Variants in RORB observed in about 807,000 individuals in gnomAD.
The protein encoded by RORB is RAR related orphan receptor B.
A neutral mutation model predicts 59.1 loss-of-function variants in RORB; 6 were observed. That is an observed-to-expected ratio of 0.10 (90% CI 0.06 to 0.20). The LOEUF is 0.20. RORB is among the 10% of genes least tolerant of loss of function. The pLI, the probability that RORB is intolerant of heterozygous loss-of-function variation, is 1.00. For missense variants in RORB, 320 were observed against 560.5 expected, an observed-to-expected ratio of 0.57 and a Z score of 4.33; for synonymous variants, 215 against 204.5, an observed-to-expected ratio of 1.05 and a Z score of -0.44.
chr9:74,634,368 T>G (rs3829075), intron 2 of RORB, among the ~76,000 whole-genome samples: 15 of 152,204 alleles, frequency 9.9e-5, no homozygotes, highest in East Asian at 1.9e-4. Context: ...ACAGCACAGC[T>G]GCAAATGTCT....
chr9:74,559,680 C>T (rs1485172494), intron 1 of RORB, among the ~76,000 whole-genome samples: 2 of 152,118 alleles, frequency 1.3e-5, no homozygotes, highest in African/African-American at 4.8e-5. Context: ...TCAGGCTAGA[C>T]AGGATAATAA....
chr9:74,644,620 C>T (rs753570636), intron 4 of RORB, among the ~76,000 whole-genome samples: 1 of 152,088 alleles, frequency 6.6e-6, no homozygotes, highest in Non-Finnish European at 1.5e-5. Context: ...CTAATAGGGA[C>T]GGTCATTTAA....
intron 1 of RORB, among the ~76,000 whole-genome samples, chr9:74,507,473 T>C (rs747889006): frequency 6.6e-6 from 1 of 152,038 alleles, no homozygotes; most frequent in Non-Finnish European, 1.5e-5. Context: ...ATTTAAAAAG[T>C]TTCATTTCAC....
At chr9:74,613,574 C>G (rs1056629554) in intron 1 of RORB, among the ~76,000 whole-genome samples, 2 of 152,130 alleles carry the variant, frequency 1.3e-5, no homozygotes, top group Admixed American at 6.5e-5. Context: ...CCCCACCAAA[C>G]AAATCAATGA....
At chr9:74,675,982 A>C (rs992720909) in intron 9 of RORB, among the ~76,000 whole-genome samples, 1 of 152,192 alleles carries the variant, frequency 6.6e-6, no homozygotes, top group African/African-American at 2.4e-5. Flanking sequence ...AAAGTCACTG[A>C]GTCTGCCATT....
chr9:74,516,367 G>A (rs1196471182), intron 1 of RORB, among the ~76,000 whole-genome samples: 2 of 151,962 alleles, frequency 1.3e-5, no homozygotes, highest in African/African-American at 4.8e-5. Flanking sequence ...GACAGTCTTA[G>A]ACTAACATCT....
chr9:74,530,370 A>T (rs1355817686), intron 1 of RORB, among the ~76,000 whole-genome samples: 1 of 151,972 alleles, frequency 6.6e-6, no homozygotes, highest in Admixed American at 6.6e-5. Context: ...TAAAGGTGAC[A>T]CTGGTCATGT....
At chr9:74,587,807 C>T (rs964273807) in intron 1 of RORB, among the ~76,000 whole-genome samples, 1 of 152,160 alleles carries the variant, frequency 6.6e-6, no homozygotes, top group African/African-American at 2.4e-5. Context: ...CTCAGGATTG[C>T]TATTGTCCCA....
chr9:74,578,316 T>C (rs1822667869), intron 1 of RORB, among the ~76,000 whole-genome samples: 1 of 152,114 alleles, frequency 6.6e-6, no homozygotes, highest in African/African-American at 2.4e-5. Context: ...ATGGCTCATG[T>C]GAGAAAGAAA....
intron 1 of RORB, among the ~76,000 whole-genome samples, chr9:74,519,362 T>C (rs1826052743): frequency 6.6e-6 from 1 of 152,002 alleles, no homozygotes; most frequent in Admixed American, 6.6e-5. Context: ...GGAGATTCTT[T>C]AGCCTTTCCT....
At chr9:74,600,250 T>C (rs1422332690) in intron 1 of RORB, among the ~76,000 whole-genome samples, 2 of 152,208 alleles carry the variant, frequency 1.3e-5, no homozygotes, top group Non-Finnish European at 2.9e-5. Flanking sequence ...TTCTTGAAAG[T>C]AATTCCTGGG....
intron 1 of RORB, among the ~76,000 whole-genome samples, chr9:74,597,522 A>G (rs527825967): frequency 3.9e-5 from 6 of 152,394 alleles, no homozygotes; most frequent in African/African-American, 1.4e-4. Flanking sequence ...TTTTGGCAGA[A>G]CTATGTTTCA....
intron 1 of RORB, among the ~76,000 whole-genome samples, chr9:74,602,460 G>T (rs1823080741): frequency 6.6e-6 from 1 of 152,194 alleles, no homozygotes; most frequent in South Asian, 2.1e-4. Flanking sequence ...GTGAGGAAAG[G>T]ACTTCTGGAT....
intron 1 of RORB, among the ~76,000 whole-genome samples, chr9:74,503,516 T>C (rs887245739): frequency 3.9e-5 from 6 of 152,058 alleles, no homozygotes; most frequent in African/African-American, 1.4e-4. Flanking sequence ...AAAGGGAAGA[T>C]ATGAATACAC....
At chr9:74,542,922 G>A (rs1414696834) in intron 1 of RORB, among the ~76,000 whole-genome samples, 2 of 152,172 alleles carry the variant, frequency 1.3e-5, no homozygotes, top group Non-Finnish European at 2.9e-5. Flanking sequence ...AGCCTTCTGA[G>A]CTTCAGCATT....
At chr9:74,644,054 CCT>C (rs1481777683) in intron 4 of RORB, among the ~76,000 whole-genome samples, 5 of 152,202 alleles carry the variant, frequency 3.3e-5, no homozygotes, top group Non-Finnish European at 7.3e-5. Context: ...TGCTCGGTCA[CCT>C]TCTCTGTCTA....
chr9:74,532,677 C>T (rs7048925), intron 1 of RORB, among the ~76,000 whole-genome samples: 83,899 of 149,414 alleles, frequency 0.56, 23,894 homozygotes, highest in East Asian at 0.83. Context: ...ATTAAATATA[C>T]GTATTATATA....
chr9:74,542,445 G>C (rs1384162263), intron 1 of RORB, among the ~76,000 whole-genome samples: 1 of 152,162 alleles, frequency 6.6e-6, no homozygotes, highest in African/African-American at 2.4e-5. Context: ...ACTGAAGAGA[G>C]ACTTAGTGAA....
chr9:74,605,462 C>T (rs1047868340), intron 1 of RORB, among the ~76,000 whole-genome samples: 13 of 152,236 alleles, frequency 8.5e-5, no homozygotes, highest in Non-Finnish European at 1.5e-4. Context: ...ACAGTATAGG[C>T]GGTGTGTCCA....
Sources: gnomAD v4.1 joint callset for allele counts (sites outside exome capture counted in the v4.1 genomes callset) on GRCh38, gnomAD v4.1.1 for gene constraint, MANE v1.5 for transcripts, NCBI Gene and HGNC (gene_info 2026-07-23, HGNC 2026-07-21) for gene names.